ZNF664: variants seen among roughly 807,000 people sequenced by gnomAD.
The protein encoded by ZNF664 is zinc finger Organ of Corti 1.
In ZNF664, 10 loss-of-function variants were observed where a neutral mutation model predicts 18.2. The ratio of observed to expected loss-of-function variants is 0.55; its 90% CI spans 0.34 to 0.93. The LOEUF is 0.93. Among genes scored for constraint, ZNF664 ranks in the 40% least tolerant of loss-of-function variants. ZNF664 has a pLI of 0.02. For missense variants in ZNF664, 193 were observed against 319.0 expected (o/e 0.61, Z 3.01); for synonymous variants, 119 against 104.2 (o/e 1.14, Z -0.86).
intron 3 of ZNF664, among the ~76,000 whole-genome samples, chr12:124,009,066 A>AT (rs1435324682): frequency 2.0e-5 from 3 of 151,910 alleles, no homozygotes; most frequent in African/African-American, 4.8e-5. Flanking sequence ...ATATTACAGA[A>AT]TTTTTTCTTA....
chr12:124,014,069 A>G lies in ZNF664; in HGVS notation c.*1139A>G, dbSNP rs1260158818. 1.2e-5 allele frequency: 2 copies of G among 166,980 alleles called. No individual in the cohort carries two copies. The highest frequency in any genetic ancestry group is 4.8e-5 in the African/African-American group (2 of 41,400). 10.3% of individuals were successfully genotyped at this position (166,980 alleles called of 1,614,324 possible). On this transcript the variant is annotated 3_prime_UTR_variant, in exon 5 of 5. Coordinates refer to ENST00000337815, the MANE Select transcript of ZNF664 (RefSeq NM_152437.3). ...CAAGGTCCCTACTCTTGTGGAGTTT[A>G]CTTCTGGTGGAGGAGACAGATGATA...
chr12:123,976,285 T>C (rs1043499821), intron 2 of ZNF664, among the ~76,000 whole-genome samples: 19 of 152,296 alleles, frequency 1.2e-4, no homozygotes, highest in Admixed American at 7.2e-4. Context: ...GAAAGACTTT[T>C]CTGTATAAAT....
At chr12:123,997,750 T>G (rs1429856367) in intron 3 of ZNF664, 1 of 152,218 alleles carries the variant, frequency 6.6e-6, no homozygotes. Context: ...GGAGACACTA[T>G]TCAACCCAGT....
At chr12:123,988,216 G>T in intron 3 of ZNF664, 78 bp downstream of exon 3, 4 of 1,221,462 alleles carry the variant, frequency 3.3e-6, no homozygotes, top group Non-Finnish European at 4.1e-6. Flanking sequence ...GCTGTCTCTA[G>T]AATTTTTTCT....
At chr12:123,981,504 G>A (rs1043865436) in intron 2 of ZNF664, among the ~76,000 whole-genome samples, 2 of 152,148 alleles carry the variant, frequency 1.3e-5, no homozygotes, top group Non-Finnish European at 2.9e-5. Flanking sequence ...GCCCTGTGCC[G>A]GCTCAGGGCT....
intron 3 of ZNF664, among the ~76,000 whole-genome samples, chr12:123,991,251 G>A (rs1956885771): frequency 6.6e-6 from 1 of 152,166 alleles, no homozygotes; most frequent in South Asian, 2.1e-4. Context: ...CTGTATATGG[G>A]GTTGAACAGC....
rs191234141 is a variant in ZNF664 at position 124,009,876 on chromosome 12, A to G, written c.-660-1505A>G. ...GAAACGGTAGCATAGAACATATACT[A>G]TTGTGTACCTTTTTTTTTTTTTTTA... On this transcript the variant is annotated intron_variant, in intron 3 of 4. Transcript: ENST00000337815. 2.1e-5 allele frequency among the ~76,000 whole-genome samples: 3 copies of G among 144,056 alleles called. No homozygotes were observed. In the South Asian group the frequency reaches 6.5e-4, roughly 31 times the overall value. The allele number at this position is 144,056 out of a possible 152,430, so 94.5% of individuals were successfully genotyped here.
At chr12:124,007,106 G>A (rs550577573) in intron 3 of ZNF664, among the ~76,000 whole-genome samples, 3 of 152,284 alleles carry the variant, frequency 2.0e-5, no homozygotes, top group South Asian at 2.1e-4. Flanking sequence ...GGTTGGTCAC[G>A]TGGAAAATTT....
rs140629476 is a variant in ZNF664 at position 124,013,292 on chromosome 12, C to T, written c.*362C>T. The T allele has an allele frequency of 7.3e-3, 1,958 of 267,380 alleles. 16 individuals are homozygous for T. The highest frequency in any genetic ancestry group is 0.01 in the South Asian group (173 of 16,634). The allele number at this position is 267,380 out of a possible 1,614,324, so 16.6% of individuals were successfully genotyped here. A position where few individuals can be genotyped will look rare whatever the true frequency, so the allele number is the denominator to read the frequency against. On this transcript the variant is annotated 3_prime_UTR_variant, in exon 5 of 5. Transcript: ENST00000337815. Reference sequence around the variant, plus strand: ...TTGCTTAAAAGCTATCCCAGATACTCCCCCTTGAGGAGCTCATGCCCTTCC... The same window carrying T: ...TTGCTTAAAAGCTATCCCAGATACTTCCCCTTGAGGAGCTCATGCCCTTCC...
chr12:123,988,037 A>C lies in ZNF664; in HGVS notation c.-756-6A>C. The stretch of plus-strand genomic sequence containing the variant: ...CCATTTTTCTCTTTGCATTTCTCCC[A>C]TCCAGCAGGATCCTAAGGCCTTTGT... On this transcript the variant is annotated splice_region_variant and splice_polypyrimidine_tract_variant and intron_variant, in intron 2 of 4. Coordinates refer to ENST00000337815, the MANE Select transcript of ZNF664 (RefSeq NM_152437.3). 2 of 1,231,356 alleles carry C rather than the reference A, an allele frequency of 1.6e-6. No individual in the cohort carries two copies. Among genetic ancestry groups the C allele is most frequent in the Non-Finnish European group, 2.0e-6 (2 of 987,738 alleles). 76.3% of individuals were successfully genotyped at this position (1,231,356 alleles called of 1,614,324 possible). A position where few individuals can be genotyped will look rare whatever the true frequency, so the allele number is the denominator to read the frequency against.
chr12:123,973,916 A>T lies in ZNF664; in HGVS notation c.-861A>T. 8.1e-7 allele frequency: 1 copy of T among 1,231,904 alleles called. No homozygotes were observed. Among genetic ancestry groups the T allele is most frequent in the Non-Finnish European group, 1.0e-6 (1 of 988,102 alleles). The allele number at this position is 1,231,904 out of a possible 1,614,324, so 76.3% of individuals were successfully genotyped here. On this transcript the variant is annotated 5_prime_UTR_variant, in exon 2 of 5. Transcript: ENST00000337815. ...CCTGCGTCCGGCAGAGGAGGCGAGC[A>T]TCCCGCTCAGGTGATGAGGAACCCC...
In ZNF664 at chr12:123,973,226, C is replaced by T. The variant is rs1032881116; in HGVS notation, c.-1018C>T. On this transcript the variant is annotated 5_prime_UTR_variant, in exon 1 of 5. Coordinates refer to ENST00000337815, the MANE Select transcript of ZNF664 (RefSeq NM_152437.3). ...GTGCGTGCGCACGCGCGCTGTCCCC[C>T]GGAGGCGTCTGGGTGTGCGGAGCGC... The T allele has an allele frequency of 1.3e-5, 13 of 986,890 alleles. No homozygotes were observed. The highest frequency in any genetic ancestry group is 4.7e-5 in the South Asian group (1 of 21,238). The allele number at this position is 986,890 out of a possible 1,614,324, so 61.1% of individuals were successfully genotyped here. A position where few individuals can be genotyped will look rare whatever the true frequency, so the allele number is the denominator to read the frequency against.
At position 124,010,417 on chromosome 12, in the gene ZNF664, C is replaced by T. The variant is rs570114413; in HGVS notation, c.-660-964C>T. ...AAGATTGCTAAAACATAGTCCTAAA[C>T]CTTAAAAGATTTCAGAGTGAATATT... On this transcript the variant is annotated intron_variant, in intron 3 of 4. Transcript: ENST00000337815. Among the ~76,000 whole-genome samples the T allele has an allele frequency of 2.0e-5, 3 of 152,136 alleles. 1 individual carries two copies. In the South Asian group the frequency reaches 6.2e-4, roughly 32 times the overall value.
At chr12:123,978,182 G>A (rs1223134133) in intron 2 of ZNF664, among the ~76,000 whole-genome samples, 2 of 151,612 alleles carry the variant, frequency 1.3e-5, no homozygotes, top group Non-Finnish European at 2.9e-5. Context: ...AAAAAAACCC[G>A]AATCATAAAG....
At chr12:123,973,770 C>A (rs1023809412) in intron 1 of ZNF664, 116 bp from the exon 2 acceptor site, 1 of 1,227,204 alleles carries the variant, frequency 8.1e-7, no homozygotes, top group Non-Finnish European at 1.0e-6. Flanking sequence ...CGTGGAGCCG[C>A]GTCTTGGAGC....
At position 123,973,261 on chromosome 12, in the gene ZNF664, C is replaced by CGT; in HGVS notation, c.-982_-981insTG. 1 of 999,680 alleles carries CGT rather than the reference C, an allele frequency of 1.0e-6. No homozygotes were observed. The highest frequency in any genetic ancestry group is 1.2e-6 in the Non-Finnish European group (1 of 842,198). The allele number at this position is 999,680 out of a possible 1,614,324, so 61.9% of individuals were successfully genotyped here. On this transcript the variant is annotated 5_prime_UTR_variant, in exon 1 of 5. Transcript: ENST00000337815. ...TGGGTGTGCGGAGCGCGCGCGCGCG[C>CGT]GGCTCGGAGGCGCACCTGTGAGGTG... is the stretch of plus-strand genomic sequence containing the variant.
chr12:123,983,556 T>A (rs890233650), intron 2 of ZNF664, among the ~76,000 whole-genome samples: 1 of 152,338 alleles, frequency 6.6e-6, no homozygotes, highest in East Asian at 1.9e-4. Context: ...AGGAAGCCTT[T>A]ATAGCCAGAG....
intron 3 of ZNF664, among the ~76,000 whole-genome samples, chr12:124,002,832 A>G (rs1957029120): frequency 6.6e-6 from 1 of 150,526 alleles, no homozygotes; most frequent in Admixed American, 6.6e-5. Context: ...GCCAACATCT[A>G]AAGAGTATTT....
At chr12:123,975,156 G>GT (rs1255254739) in intron 2 of ZNF664, among the ~76,000 whole-genome samples, 3 of 152,072 alleles carry the variant, frequency 2.0e-5, no homozygotes, top group African/African-American at 7.2e-5. Context: ...GATACAGTGC[G>GT]TATGTGTTGT....
Sources: allele counts gnomAD v4.1 joint callset (sites outside exome capture counted in the v4.1 genomes callset), GRCh38; gene constraint gnomAD v4.1.1; transcripts MANE v1.5; gene names NCBI Gene and HGNC (gene_info 2026-07-23, HGNC 2026-07-21).